Variants in PKIG observed in about 807,000 individuals in gnomAD.
PKIG encodes the protein cAMP-dependent protein kinase inhibitor gamma, also known as protein kinase (cAMP-dependent, catalytic) inhibitor gamma.
A neutral mutation model predicts 6.8 loss-of-function variants in PKIG; 1 was observed. The ratio of observed to expected loss-of-function variants is 0.15; its 90% CI spans 0.05 to 0.69. The LOEUF (loss-of-function observed/expected upper bound fraction) is 0.69. PKIG is among the 30% of genes least tolerant of loss of function. PKIG has a pLI of 0.82. For synonymous variants in PKIG, 39 were observed against 43.0 expected (o/e 0.91, Z 0.36); for missense variants, 77 against 104.0 (o/e 0.74, Z 1.13).
intron 1 of PKIG, among the ~76,000 whole-genome samples, chr20:44,549,733 G>C (rs956421766): frequency 6.6e-6 from 1 of 152,150 alleles, no homozygotes; most frequent in Non-Finnish European, 1.5e-5. Flanking sequence ...GCTGAGGTGC[G>C]AAGATGGCTT....
At chr20:44,563,253 G>C (rs927153175) in intron 1 of PKIG, among the ~76,000 whole-genome samples, 1 of 152,074 alleles carries the variant, frequency 6.6e-6, no homozygotes, top group Non-Finnish European at 1.5e-5. Context: ...CTTTTACTCA[G>C]GAAAATTTCT....
At chr20:44,617,965 AT>A (rs1371749281) in intron 3 of PKIG, among the ~76,000 whole-genome samples, 34 of 152,058 alleles carry the variant, frequency 2.2e-4, no homozygotes, top group Non-Finnish European at 2.9e-5. Flanking sequence ...GGGACTTAAC[AT>A]CTGGCCTCTC....
At chr20:44,582,138 G>T (rs2064953710), upstream of PKIG, among the ~76,000 whole-genome samples, 1 of 152,116 alleles carries the variant, frequency 6.6e-6, no homozygotes. Context: ...TAGGAGACCT[G>T]GGAGAAATGA....
intron 1 of PKIG, among the ~76,000 whole-genome samples, chr20:44,568,005 G>A (rs1221635326): frequency 1.4e-4 from 21 of 152,180 alleles, no homozygotes. Context: ...AATGAGCTAG[G>A]CATGGTGGCG....
intron 1 of PKIG, among the ~76,000 whole-genome samples, chr20:44,571,805 C>G (rs2064856309): frequency 6.6e-6 from 1 of 152,178 alleles, no homozygotes; most frequent in Admixed American, 6.5e-5. Context: ...AGCCTTTTTC[C>G]TGTATGGCAT....
At chr20:44,553,672 A>G (rs1419366595) in intron 1 of PKIG, among the ~76,000 whole-genome samples, 2 of 152,184 alleles carry the variant, frequency 1.3e-5, no homozygotes, top group Admixed American at 1.3e-4. Context: ...ACTAATAAAA[A>G]CATAGTGCCT....
Position 44,614,737 on chromosome 20 carries a change from G to A in PKIG, c.151+30G>A. On this transcript the variant is annotated intron_variant, in intron 3 of 3. Coordinates refer to ENST00000372886, the MANE Select transcript of PKIG (RefSeq NM_001281445.2). The surrounding 1 kb of genome is among the most constrained non-coding windows in gnomAD (Gnocchi z 4.6). ...GAGCCAGCAGGTCCTTGGCACTACT[G>A]CATGCCAGAGGCCCTCTGCCGGGCC... 1 of 1,611,114 alleles carries A rather than the reference G, an allele frequency of 6.2e-7. No homozygotes were observed. The highest frequency in any genetic ancestry group is 8.5e-7 in the Non-Finnish European group (1 of 1,178,808).
At chr20:44,601,686 A>C (rs1011960275) in intron 2 of PKIG, among the ~76,000 whole-genome samples, 3 of 152,216 alleles carry the variant, frequency 2.0e-5, no homozygotes, top group Non-Finnish European at 4.4e-5. Context: ...AACTTCTCCC[A>C]TAAGACCAGG....
At chr20:44,558,754 T>TTTTCTTTC (rs992890130) in intron 1 of PKIG, among the ~76,000 whole-genome samples, 9 of 151,378 alleles carry the variant, frequency 5.9e-5, no homozygotes, top group Non-Finnish European at 1.3e-4. Context: ...TTTCTTTTCA[T>TTTTCTTTC]TTTCTTTCTT....
Position 44,614,537 on chromosome 20 carries a change from T to C in PKIG, c.-20T>C, listed in dbSNP as rs746645484. 4 of 1,613,072 alleles carry C rather than the reference T, an allele frequency of 2.5e-6. No homozygotes were observed. Among genetic ancestry groups the C allele is most frequent in the Non-Finnish European group, 1.7e-6 (2 of 1,179,368 alleles). On this transcript the variant is annotated 5_prime_UTR_variant, in exon 3 of 4. Transcript: ENST00000372886. The surrounding 1 kb of genome is among the most constrained non-coding windows in gnomAD (Gnocchi z 4.6). ...CCCTTGCCTTCTGTCCCCACAGGCC[T>C]GAGGAGCGATGCGACAGGCATGATG...
chr20:44,594,547 A>G (rs2065059716), intron 2 of PKIG, among the ~76,000 whole-genome samples: 1 of 152,232 alleles, frequency 6.6e-6, no homozygotes, highest in African/African-American at 2.4e-5. Context: ...TTTACAAAAG[A>G]AGAAACTGAG....
intron 1 of PKIG, among the ~76,000 whole-genome samples, chr20:44,549,480 A>G (rs560298197): frequency 9.8e-4 from 150 of 152,310 alleles, no homozygotes; most frequent in African/African-American, 3.5e-3. Flanking sequence ...AATCATCTCC[A>G]GTAGTCATCC....
At chr20:44,557,403 G>T (rs1333855120) in intron 1 of PKIG, among the ~76,000 whole-genome samples, 1 of 151,514 alleles carries the variant, frequency 6.6e-6, no homozygotes, top group East Asian at 1.9e-4. Flanking sequence ...GCGAGCGCCT[G>T]TAGTCCCAGC....
intron 3 of PKIG, among the ~76,000 whole-genome samples, chr20:44,616,480 C>T (rs184659969): frequency 3.3e-5 from 5 of 152,340 alleles, no homozygotes; most frequent in Admixed American, 3.3e-4. Flanking sequence ...TCCTCACCCT[C>T]AGCTCTGGTG....
chr20:44,541,936 C>G (rs1008946103), intron 1 of PKIG, among the ~76,000 whole-genome samples: 1 of 152,028 alleles, frequency 6.6e-6, no homozygotes, highest in African/African-American at 2.4e-5. Flanking sequence ...TGATCCACCC[C>G]CCTCGGCTTC....
At position 44,601,353 on chromosome 20, in the gene PKIG, C is replaced by G. The variant is rs1469725911; in HGVS notation, c.-24+11487C>G. 2.0e-5 allele frequency among the ~76,000 whole-genome samples: 3 copies of G among 152,264 alleles called. No individual in the cohort carries two copies. The East Asian group carries it at 5.8e-4, about 29-fold the overall frequency. On this transcript the variant is annotated intron_variant, in intron 2 of 3. Transcript: ENST00000372886. ...TGAATGGCAACAGGCACTGCCCAGG[C>G]AGGCGACAGGCTCCTCTCTGGTGAC...
chr20:44,565,262 A>G (rs893593620), intron 1 of PKIG, among the ~76,000 whole-genome samples: 2 of 152,154 alleles, frequency 1.3e-5, no homozygotes, highest in African/African-American at 4.8e-5. Context: ...AAAATATAAA[A>G]TTTTCCATCT....
chr20:44,560,294 G>A (rs2064755793), intron 1 of PKIG, among the ~76,000 whole-genome samples: 1 of 151,678 alleles, frequency 6.6e-6, no homozygotes, highest in South Asian at 2.1e-4. Context: ...CCATTGTGAT[G>A]TATATTGTAA....
chr20:44,587,416 T>C (rs866689376), intron 1 of PKIG, among the ~76,000 whole-genome samples: 113 of 152,228 alleles, frequency 7.4e-4, no homozygotes, highest in African/African-American at 2.5e-3. Context: ...TTCTGGCACC[T>C]TCCTATCCCC....
Sources: gnomAD v4.1 joint callset for allele counts (sites outside exome capture counted in the v4.1 genomes callset) on GRCh38, gnomAD v4.1.1 for gene constraint, Gnocchi (gnomAD v3.1) non-coding constraint, MANE v1.5 for transcripts, NCBI Gene and HGNC (gene_info 2026-07-23, HGNC 2026-07-21) for gene names.